Variants in GFRA1 observed in about 807,000 individuals in gnomAD.
GFRA1 encodes GDNF family receptor alpha-1.
GFRA1 carries 16 observed loss-of-function variants against 51.6 expected under a neutral mutation model. That is an observed-to-expected ratio of 0.31 (90% CI 0.21 to 0.47). The LOEUF is 0.47. Ranked by LOEUF, GFRA1 falls within the 20% of genes least tolerant of loss-of-function variation. The pLI is 1.00. For missense variants in GFRA1, 530 were observed against 594.3 expected, an observed-to-expected ratio of 0.89 and a Z score of 1.13; for synonymous variants, 270 against 241.3, an observed-to-expected ratio of 1.12 and a Z score of -1.10.
chr10:116,147,397 C>T (rs575284570), intron 5 of GFRA1, among the ~76,000 whole-genome samples: 59 of 152,222 alleles, frequency 3.9e-4, no homozygotes, highest in Non-Finnish European at 4.6e-4. Flanking sequence ...TTGGTTGGAG[C>T]TGGTGGTTCA....
At chr10:116,102,941 T>C (rs900814539) in intron 6 of GFRA1, among the ~76,000 whole-genome samples, 1 of 152,188 alleles carries the variant, frequency 6.6e-6, no homozygotes, top group African/African-American at 2.4e-5. Flanking sequence ...CATTAGAGAT[T>C]CAAAGTCTTG....
chr10:116,065,954 C>A (rs1955090828), intron 9 of GFRA1, among the ~76,000 whole-genome samples: 1 of 152,166 alleles, frequency 6.6e-6, no homozygotes, highest in Admixed American at 6.5e-5. Flanking sequence ...AGACTTACCC[C>A]ATTTCAAAGC....
At chr10:116,162,754 C>G (rs1393246553) in intron 5 of GFRA1, among the ~76,000 whole-genome samples, 17 of 151,916 alleles carry the variant, frequency 1.1e-4, no homozygotes, top group Admixed American at 1.1e-3. Flanking sequence ...TTAAAAAACA[C>G]TTTAAAGGGT....
chr10:116,189,985 T>G (rs929104002), intron 5 of GFRA1, among the ~76,000 whole-genome samples: 1 of 152,044 alleles, frequency 6.6e-6, no homozygotes, highest in South Asian at 2.1e-4. Context: ...ATTTCCGGCC[T>G]GATGAGAGCC....
chr10:116,114,285 A>T (rs1353258470), intron 6 of GFRA1, among the ~76,000 whole-genome samples: 8 of 152,230 alleles, frequency 5.3e-5, no homozygotes, highest in Non-Finnish European at 1.2e-4. Context: ...CTCTGTGCCC[A>T]GCAGTCTCAG....
intron 4 of GFRA1, among the ~76,000 whole-genome samples, chr10:116,244,784 G>A (rs1448059329): frequency 6.6e-6 from 1 of 152,032 alleles, no homozygotes; most frequent in African/African-American, 2.4e-5. Flanking sequence ...AAAGAATAGA[G>A]AAGTATTAGA....
intron 4 of GFRA1, 143 bp from the exon 5 acceptor site, chr10:116,211,788 G>GT: frequency 1.5e-6 from 1 of 688,496 alleles, no homozygotes; most frequent in Non-Finnish European, 2.5e-6. Context: ...CTTTAACTCA[G>GT]GAGGCAGTGC....
intron 4 of GFRA1, among the ~76,000 whole-genome samples, chr10:116,235,595 C>T (rs1385282443): frequency 6.6e-6 from 1 of 152,124 alleles, no homozygotes; most frequent in African/African-American, 2.4e-5. Flanking sequence ...TCAGCTCCAG[C>T]AAATGCCCCT....
chr10:116,078,625 C>T (rs1955716437), intron 9 of GFRA1, among the ~76,000 whole-genome samples: 1 of 152,160 alleles, frequency 6.6e-6, no homozygotes, highest in Non-Finnish European at 1.5e-5. Context: ...ATAAACTCAG[C>T]CAGAGCAGGA....
chr10:116,103,205 T>A (rs541371901), intron 6 of GFRA1, among the ~76,000 whole-genome samples: 1 of 152,330 alleles, frequency 6.6e-6, no homozygotes, highest in African/African-American at 2.4e-5. Flanking sequence ...ACTTTAAATG[T>A]CTGCTGTGAG....
At chr10:116,121,659 A>T (rs915254369) in intron 6 of GFRA1, among the ~76,000 whole-genome samples, 2 of 152,206 alleles carry the variant, frequency 1.3e-5, no homozygotes, top group African/African-American at 4.8e-5. Context: ...GCTGATGTTA[A>T]GATGGAAATG....
intron 3 of GFRA1, 72 bp downstream of exon 3, chr10:116,270,750 T>C (rs1031805695): frequency 1.6e-6 from 2 of 1,263,224 alleles, no homozygotes; most frequent in African/African-American, 3.0e-5. Flanking sequence ...TGAGATCAGC[T>C]GGCCCAGGGA....
At chr10:116,266,948 G>GAA (rs1969705056) in intron 4 of GFRA1, among the ~76,000 whole-genome samples, 1 of 152,136 alleles carries the variant, frequency 6.6e-6, no homozygotes, top group Non-Finnish European at 1.5e-5. Flanking sequence ...TTATACAAAT[G>GAA]AAAGAGCAAC....
intron 5 of GFRA1, among the ~76,000 whole-genome samples, chr10:116,158,555 C>T (rs11197557): frequency 0.18 from 26,730 of 152,096 alleles, 2,924 homozygotes; most frequent in Admixed American, 0.29. Flanking sequence ...GGGGGAAGGC[C>T]GTGGAATGTG....
rs146739248 is a variant in GFRA1 at position 116,125,550 on chromosome 10, G to A, written c.441C>T (p.His147=). 3.4e-5 allele frequency: 55 copies of A among 1,612,176 alleles called. No individual in the cohort carries two copies. In the African/African-American group the frequency reaches 6.3e-4, roughly 18 times the overall value. The part of the protein sequence containing the change: ...FISDVFQQVE[H]IPKGNNCLDA... Reference sequence around the variant, plus strand: ...CCAGGCAGTTGTTCCCTTTGGGAATGTGCTCCACTGCAAATGCAGAGAAAG... The same window carrying A: ...CCAGGCAGTTGTTCCCTTTGGGAATATGCTCCACTGCAAATGCAGAGAAAG... The change falls in exon 6 of 11, where the codon CAC becomes CAT. Residue 147 remains histidine (H), a synonymous_variant. Transcript: ENST00000355422.
intron 4 of GFRA1, among the ~76,000 whole-genome samples, chr10:116,237,963 A>G (rs1289927410): frequency 6.6e-6 from 1 of 152,170 alleles, no homozygotes; most frequent in Non-Finnish European, 1.5e-5. Flanking sequence ...CTGATTAGAC[A>G]GCCAACTTTC....
rs540648184 is a variant in GFRA1, at chr10:116,265,943, A to G, written c.418+3560T>C. Among the ~76,000 whole-genome samples, 343 of 152,272 alleles carry G rather than the reference A, an allele frequency of 2.3e-3. 3 individuals carry two copies. Among genetic ancestry groups the G allele is most frequent in the African/African-American group, 7.8e-3 (323 of 41,568 alleles). ...TTCCGCTCTCAGGTTTCTGGAAAGC[A>G]GCCCTCCACCCTCCCTCTGCAGTTC... is the stretch of plus-strand genomic sequence containing the variant. On this transcript the variant is annotated intron_variant, in intron 4 of 10. Coordinates refer to ENST00000355422, the MANE Select transcript of GFRA1 (RefSeq NM_005264.8).
At chr10:116,105,376 C>T (rs777327229) in intron 6 of GFRA1, among the ~76,000 whole-genome samples, 2 of 152,182 alleles carry the variant, frequency 1.3e-5, no homozygotes, top group Non-Finnish European at 2.9e-5. Context: ...TAGACCAACA[C>T]AGTGTGAGCT....
chr10:116,183,873 C>A (rs1467636014), intron 5 of GFRA1, among the ~76,000 whole-genome samples: 3 of 152,174 alleles, frequency 2.0e-5, no homozygotes, highest in Non-Finnish European at 1.5e-5. Flanking sequence ...CAGGGAAATG[C>A]TTCAGTCTCA....
Sources: gnomAD v4.1 joint callset for allele counts (sites outside exome capture counted in the v4.1 genomes callset) on GRCh38, gnomAD v4.1.1 for gene constraint, MANE v1.5 for transcripts, NCBI Gene and HGNC (gene_info 2026-07-23, HGNC 2026-07-21) for gene names.